The following LHFPL3 variants were observed in gnomAD, a reference collection of about 807,000 sequenced individuals.
LHFPL3 encodes the protein LHFPL tetraspan subfamily member 3 protein.
LHFPL3 carries 5 observed loss-of-function variants against 19.3 expected under a neutral mutation model. That is an observed-to-expected ratio of 0.26 (90% CI 0.14 to 0.54). LHFPL3 has a LOEUF of 0.54. Ranked by LOEUF, LHFPL3 falls within the 20% of genes least tolerant of loss-of-function variation. LHFPL3 has a pLI of 0.94. For missense variants in LHFPL3, 249 were observed against 307.4 expected (o/e 0.81, Z 1.42); for synonymous variants, 133 against 126.2 (o/e 1.05, Z -0.36).
intron 1 of LHFPL3, among the ~76,000 whole-genome samples, chr7:104,393,664 C>T (rs866808100): frequency 2.0e-5 from 3 of 151,930 alleles, no homozygotes; most frequent in Middle Eastern, 3.4e-3. Context: ...TGCAGTGAGC[C>T]GAGACCATGC....
chr7:104,833,250 G>C (rs1302567225), intron 2 of LHFPL3, among the ~76,000 whole-genome samples: 1 of 80,208 alleles, frequency 1.2e-5, no homozygotes, highest in Non-Finnish European at 2.2e-5. Context: ...TATTACTAGA[G>C]GGACAGAACT....
intron 1 of LHFPL3, among the ~76,000 whole-genome samples, chr7:104,568,805 A>C (rs1332325274): frequency 1.3e-5 from 2 of 152,190 alleles, no homozygotes; most frequent in African/African-American, 4.8e-5. Flanking sequence ...GAGAAACCAG[A>C]ATTCATCTCC....
chr7:104,892,624 T>A (rs1362918984), intron 2 of LHFPL3, among the ~76,000 whole-genome samples: 3 of 140,246 alleles, frequency 2.1e-5, no homozygotes, highest in African/African-American at 8.1e-5. Context: ...GGCAAGAGAA[T>A]CACCTGAACC....
intron 1 of LHFPL3, among the ~76,000 whole-genome samples, chr7:104,461,129 A>G (rs940830697): frequency 6.6e-6 from 1 of 152,166 alleles, no homozygotes; most frequent in Non-Finnish European, 1.5e-5. Flanking sequence ...GTGGAAGGGG[A>G]GGCAAACACA....
At chr7:104,664,978 C>T (rs1232431145) in intron 1 of LHFPL3, among the ~76,000 whole-genome samples, 3 of 152,136 alleles carry the variant, frequency 2.0e-5, no homozygotes, top group South Asian at 2.1e-4. Flanking sequence ...ATATTACACA[C>T]GTAACAACTA....
intron 1 of LHFPL3, among the ~76,000 whole-genome samples, chr7:104,448,444 C>G (rs1792372382): frequency 6.6e-6 from 1 of 152,136 alleles, no homozygotes; most frequent in African/African-American, 2.4e-5. Flanking sequence ...GCCAATACAG[C>G]AAAATGGCTC....
intron 2 of LHFPL3, among the ~76,000 whole-genome samples, chr7:104,747,092 C>T (rs1794060982): frequency 6.6e-6 from 1 of 152,236 alleles, no homozygotes; most frequent in Non-Finnish European, 1.5e-5. Flanking sequence ...AATCTCCCCA[C>T]ATACACCTGT....
At chr7:104,689,440 C>T (rs886080812) in intron 1 of LHFPL3, among the ~76,000 whole-genome samples, 2 of 152,144 alleles carry the variant, frequency 1.3e-5, no homozygotes, top group African/African-American at 4.8e-5. Flanking sequence ...AGGAAACTTC[C>T]AGGTTGAGTG....
chr7:104,364,590 T>C (rs1298107268), intron 1 of LHFPL3, among the ~76,000 whole-genome samples: 4 of 152,196 alleles, frequency 2.6e-5, no homozygotes, highest in African/African-American at 7.2e-5. Flanking sequence ...TGGGTTATGG[T>C]CACAACTAGA....
At chr7:104,433,696 T>C (rs940562772) in intron 1 of LHFPL3, among the ~76,000 whole-genome samples, 8 of 152,234 alleles carry the variant, frequency 5.3e-5, no homozygotes, top group Admixed American at 3.9e-4. Context: ...CTACGGTTCC[T>C]TTTGGACTCA....
chr7:104,431,213 T>A (rs2116560201), intron 1 of LHFPL3, among the ~76,000 whole-genome samples: 1 of 152,318 alleles, frequency 6.6e-6, no homozygotes, highest in African/African-American at 2.4e-5. Context: ...CCCCTACTGC[T>A]TTTGTAAATT....
In LHFPL3 at chr7:104,441,031, A is replaced by T. The variant is rs182320345; in HGVS notation, c.445+111807A>T. Among the ~76,000 whole-genome samples the T allele has an allele frequency of 9.8e-4, 149 of 152,124 alleles. 2 individuals carry two copies. The highest frequency in any genetic ancestry group is 3.4e-3 in the African/African-American group (141 of 41,510). On this transcript the variant is annotated intron_variant, in intron 1 of 2. Transcript: ENST00000424859. ...ATGCCTCTTTCTTTCTGTGTGTGTGAGTGTGTGGTAAGAACTCTTAACATG... is the reference window on the plus strand; with the variant it reads ...ATGCCTCTTTCTTTCTGTGTGTGTGTGTGTGTGGTAAGAACTCTTAACATG...
At position 104,328,619 on chromosome 7, in the gene LHFPL3, T is replaced by C; in HGVS notation, c.-161T>C. On this transcript the variant is annotated 5_prime_UTR_variant, in exon 1 of 3. Transcript: ENST00000424859. This position sits in a 1 kb window ranked among gnomAD's most constrained non-coding sequence, Gnocchi z 4.6. The stretch of plus-strand genomic sequence containing the variant: ...GTGCTCCGCGCTCCCCCGCCCTCCT[T>C]CCGGGAGCGAGGATGCAGACTCTGA... The C allele has an allele frequency of 1.5e-6, 1 of 665,040 alleles. No individual in the cohort carries two copies. The highest frequency in any genetic ancestry group is 2.5e-6 in the Non-Finnish European group (1 of 393,284). 41.2% of individuals were successfully genotyped at this position (665,040 alleles called of 1,614,324 possible).
intron 1 of LHFPL3, among the ~76,000 whole-genome samples, chr7:104,371,079 G>T (rs867006256): frequency 6.6e-6 from 1 of 152,076 alleles, no homozygotes; most frequent in Admixed American, 6.5e-5. Context: ...AGCCCTTCCT[G>T]TTTTGAACTC....
At chr7:104,881,169 C>CAAAAAA (rs60361178) in intron 2 of LHFPL3, among the ~76,000 whole-genome samples, 3 of 91,522 alleles carry the variant, frequency 3.3e-5, no homozygotes, top group Non-Finnish European at 4.5e-5. Flanking sequence ...GATTCCATCT[C>CAAAAAA]AAAAAAAAAA....
At chr7:104,502,227 C>T (rs1403782041) in intron 1 of LHFPL3, among the ~76,000 whole-genome samples, 1 of 152,126 alleles carries the variant, frequency 6.6e-6, no homozygotes, top group African/African-American at 2.4e-5. Context: ...CATGAGGAAG[C>T]AAAATGCAAC....
rs1790999178 is a variant in LHFPL3 at position 104,388,707 on chromosome 7, C to G, written c.445+59483C>G. Among the ~76,000 whole-genome samples the G allele has an allele frequency of 4.6e-5, 7 of 152,176 alleles. 1 individual carries two copies. The South Asian group carries it at 1.5e-3, about 32-fold the overall frequency. ...TAATCCATGAACAAGTGGCACTTATCCCAGATATAAGTTTGCTTGACATCT... is the reference window on the plus strand; with the variant it reads ...TAATCCATGAACAAGTGGCACTTATGCCAGATATAAGTTTGCTTGACATCT... On this transcript the variant is annotated intron_variant, in intron 1 of 2. Coordinates refer to ENST00000424859, the MANE Select transcript of LHFPL3 (RefSeq NM_199000.3).
chr7:104,802,321 C>T, intron 2 of LHFPL3, among the ~76,000 whole-genome samples: 1 of 151,684 alleles, frequency 6.6e-6, no homozygotes, highest in East Asian at 1.9e-4. Context: ...ATGGTGAAAC[C>T]CTGCCTCTAC....
At chr7:104,798,697 C>T (rs984279099) in intron 2 of LHFPL3, among the ~76,000 whole-genome samples, 7 of 140,054 alleles carry the variant, frequency 5.0e-5, no homozygotes, top group African/African-American at 7.4e-5. Context: ...GAAAGTCTCA[C>T]GATTTTTTTT....
Sources: allele counts gnomAD v4.1 joint callset (sites outside exome capture counted in the v4.1 genomes callset), GRCh38; gene constraint gnomAD v4.1.1; non-coding constraint Gnocchi (gnomAD v3.1); transcripts MANE v1.5; gene names NCBI Gene and HGNC (gene_info 2026-07-23, HGNC 2026-07-21).